CIRBP: variants seen among roughly 807,000 people sequenced by gnomAD.
CIRBP encodes the protein cold inducible RNA binding protein, also known as cold-inducible RNA-binding protein.
A neutral mutation model predicts 22.3 loss-of-function variants in CIRBP; 11 were observed. The ratio of observed to expected loss-of-function variants is 0.49; its 90% CI spans 0.31 to 0.82. The LOEUF (loss-of-function observed/expected upper bound fraction) is 0.82, where lower values mean the gene tolerates loss of function less well. CIRBP is among the 40% of genes least tolerant of loss of function. The pLI is 0.05. For missense variants in CIRBP, 456 were observed against 402.7 expected, an observed-to-expected ratio of 1.13 and a Z score of -1.13; for synonymous variants, 216 against 158.8, an observed-to-expected ratio of 1.36 and a Z score of -2.71.
In CIRBP at chr19:1,274,058, TGCC is replaced by T. The variant is rs1177906778; in HGVS notation, c.*1619_*1621del. 4.1e-5 allele frequency: 15 copies of T among 364,766 alleles called. No homozygotes were observed. Among genetic ancestry groups the T allele is most frequent in the Middle Eastern group, 6.8e-4 (1 of 1,466 alleles). 22.6% of individuals were successfully genotyped at this position (364,766 alleles called of 1,614,324 possible). A position where few individuals can be genotyped will look rare whatever the true frequency, so the allele number is the denominator to read the frequency against. Reference sequence around the variant, plus strand: ...TAACTTAGCTTTCTCTGATGTCTGTTGCCGCCATTAGTTTTTTTCTAGAGCCCA... The same window carrying T: ...TAACTTAGCTTTCTCTGATGTCTGTTGCCATTAGTTTTTTTCTAGAGCCCA... On this transcript the variant is annotated 3_prime_UTR_variant, in exon 6 of 6. Coordinates refer to ENST00000587896, the MANE Select transcript of CIRBP (RefSeq NM_001300829.2).
rs1019450329 is a variant in CIRBP, at chr19:1,269,846, T to C, written c.-7+436T>C. On this transcript the variant is annotated intron_variant, in intron 1 of 5. Transcript: ENST00000587896. ...TTACCGAGCCTTAGTTTCCTCCTTT[T>C]CCCATTGCGATTGCATGAGGGAAAG... 1.2e-5 allele frequency: 6 copies of C among 519,490 alleles called. 1 individual carries two copies. In the Admixed American group the frequency reaches 1.2e-4, roughly 10 times the overall value. 32.2% of individuals were successfully genotyped at this position (519,490 alleles called of 1,614,324 possible).
Position 1,271,967 on chromosome 19 carries a change from TG to T in CIRBP, c.432-13del. Reference sequence around the variant, plus strand: ...CGGGTACCTTCCGGTACTCAACGTTTGTCTGTCTTGCAGCCGGAGTCAGAGT... The same window carrying T: ...CGGGTACCTTCCGGTACTCAACGTTTTCTGTCTTGCAGCCGGAGTCAGAGT... On this transcript the variant is annotated splice_polypyrimidine_tract_variant and intron_variant, in intron 5 of 5. Coordinates refer to ENST00000587896, the MANE Select transcript of CIRBP (RefSeq NM_001300829.2). The T allele has an allele frequency of 6.2e-7, 1 of 1,600,962 alleles. No individual in the cohort carries two copies. The highest frequency in any genetic ancestry group is 8.5e-7 in the Non-Finnish European group (1 of 1,170,332).
In CIRBP at chr19:1,271,546, T is replaced by A; in HGVS notation, c.350-5T>A. The A allele has an allele frequency of 6.3e-7, 1 of 1,588,056 alleles. No individual in the cohort carries two copies. The highest frequency in any genetic ancestry group is 8.6e-7 in the Non-Finnish European group (1 of 1,168,568). ...GCTGGTACTCACTTTTTCCTGTATGTGCAGGAGGAGGGGACCGAGGCTATG... is the reference window on the plus strand; with the variant it reads ...GCTGGTACTCACTTTTTCCTGTATGAGCAGGAGGAGGGGACCGAGGCTATG... On this transcript the variant is annotated splice_polypyrimidine_tract_variant and splice_region_variant and intron_variant, in intron 4 of 5. Coordinates refer to ENST00000587896, the MANE Select transcript of CIRBP (RefSeq NM_001300829.2).
In CIRBP at chr19:1,272,627, C is replaced by G. The variant is rs1259511264; in HGVS notation, c.*184C>G. ...ACGCCGGGATGGCCTCGTTACTAGA[C>G]TTTTCTTTTTAAGGAAGTGCTGTTT... On this transcript the variant is annotated 3_prime_UTR_variant, in exon 6 of 6. Coordinates refer to ENST00000587896, the MANE Select transcript of CIRBP (RefSeq NM_001300829.2). 2.0e-6 allele frequency: 1 copy of G among 498,942 alleles called. No individual in the cohort carries two copies. Among genetic ancestry groups the G allele is most frequent in the Non-Finnish European group, 3.6e-6 (1 of 279,872 alleles). The allele number at this position is 498,942 out of a possible 1,614,324, so 30.9% of individuals were successfully genotyped here.
rs1255634179 is a variant in CIRBP, at chr19:1,272,642, A to G, written c.*199A>G. On this transcript the variant is annotated 3_prime_UTR_variant, in exon 6 of 6. Transcript: ENST00000587896. ...CGTTACTAGACTTTTCTTTTTAAGG[A>G]AGTGCTGTTTTTTTTTGAGGGTTTT... 4.4e-6 allele frequency: 2 copies of G among 452,332 alleles called. No homozygotes were observed. Among genetic ancestry groups the G allele is most frequent in the African/African-American group, 4.0e-5 (2 of 50,076 alleles). The allele number at this position is 452,332 out of a possible 1,614,324, so 28.0% of individuals were successfully genotyped here. A position where few individuals can be genotyped will look rare whatever the true frequency, so the allele number is the denominator to read the frequency against.
rs1243705696 is a variant in CIRBP at position 1,272,618 on chromosome 19, G to A, written c.*175G>A. 8 of 526,944 alleles carry A rather than the reference G, an allele frequency of 1.5e-5. No homozygotes were observed. The highest frequency in any genetic ancestry group is 3.8e-5 in the African/African-American group (2 of 52,118). The allele number at this position is 526,944 out of a possible 1,614,324, so 32.6% of individuals were successfully genotyped here. On this transcript the variant is annotated 3_prime_UTR_variant, in exon 6 of 6. Transcript: ENST00000587896. Reference sequence around the variant, plus strand: ...CCGCTTCTGACGCCGGGATGGCCTCGTTACTAGACTTTTCTTTTTAAGGAA... The same window carrying A: ...CCGCTTCTGACGCCGGGATGGCCTCATTACTAGACTTTTCTTTTTAAGGAA...
At position 1,270,954 on chromosome 19, in the gene CIRBP, A is replaced by G; in HGVS notation, c.21A>G (p.Lys7=). The G allele has an allele frequency of 6.2e-7, 1 of 1,614,072 alleles. No homozygotes were observed. Among genetic ancestry groups the G allele is most frequent in the South Asian group, 1.1e-5 (1 of 91,084 alleles). ...CCGCCATGGCATCAGATGAAGGCAA[A>G]CTTTTTGTTGGAGGGCTGAGTTTTG... MASDEG[K]LFVGGLSFDT... is the part of the protein sequence containing the mutation. Residue 7 remains lysine, a synonymous_variant, in exon 2 of 6, where the codon AAA becomes AAG. Coordinates refer to ENST00000587896, the MANE Select transcript of CIRBP (RefSeq NM_001300829.2).
At chr19:1,269,825 C>G (rs377091409) in intron 1 of CIRBP, 1 of 517,972 alleles carries the variant, frequency 1.9e-6, no homozygotes, top group Non-Finnish European at 3.9e-6. Flanking sequence ...TTTTGCTTAC[C>G]GAGCCTTAGT....
In CIRBP at chr19:1,269,387, G is replaced by A. The variant is rs1401996208; in HGVS notation, c.-30G>A. 3 of 151,890 alleles carry A rather than the reference G, an allele frequency of 2.0e-5. No homozygotes were observed. The highest frequency in any genetic ancestry group is 2.0e-4 in the Admixed American group (3 of 15,278). 9.4% of individuals were successfully genotyped at this position (151,890 alleles called of 1,614,324 possible). A position where few individuals can be genotyped will look rare whatever the true frequency, so the allele number is the denominator to read the frequency against. ...TGTGGTGCGCTGTCTTCCCGCTTGCGTCAGGGACCTGCCCGACTCAGTGGT... is the reference window on the plus strand; with the variant it reads ...TGTGGTGCGCTGTCTTCCCGCTTGCATCAGGGACCTGCCCGACTCAGTGGT... On this transcript the variant is annotated 5_prime_UTR_variant, in exon 1 of 6. Coordinates refer to ENST00000587896, the MANE Select transcript of CIRBP (RefSeq NM_001300829.2).
chr19:1,274,124 G>C lies in CIRBP; in HGVS notation c.*1681G>C. 2.6e-6 allele frequency: 1 copy of C among 391,492 alleles called. No homozygotes were observed. Among genetic ancestry groups the C allele is most frequent in the East Asian group, 3.6e-5 (1 of 27,706 alleles). 24.3% of individuals were successfully genotyped at this position (391,492 alleles called of 1,614,324 possible). A position where few individuals can be genotyped will look rare whatever the true frequency, so the allele number is the denominator to read the frequency against. On this transcript the variant is annotated 3_prime_UTR_variant, in exon 6 of 6. Transcript: ENST00000587896. ...TAGCTCCATCCCATACGGGTAGCTG[G>C]CTCCAGCTGCGCCAAGGTGCAGACC...
At position 1,271,431 on chromosome 19, in the gene CIRBP, C is replaced by A; in HGVS notation, c.313C>A (p.Arg105Ser). The A allele has an allele frequency of 1.9e-6, 3 of 1,612,746 alleles. No homozygotes were observed. The highest frequency in any genetic ancestry group is 2.5e-6 in the Non-Finnish European group (3 of 1,179,438). Residue 105 changes from arginine (R) to serine (S), a missense_variant, in exon 4 of 6, where the codon CGT becomes AGT. This residue lies in a region of CIRBP where 426 missense variants were observed against 339.6 expected (regional missense o/e 1.25). Transcript: ENST00000587896. ...CTCTGCCGGGGGCCGGGGCTTCTTCCGTGGGGGCCGAGGACGGGGCCGTGG... is the reference window on the plus strand; with the variant it reads ...CTCTGCCGGGGGCCGGGGCTTCTTCAGTGGGGGCCGAGGACGGGGCCGTGG... ...GGSAGGRGFF[R>S]GGRGRGRGFS... is the part of the protein sequence containing the mutation.
intron 1 of CIRBP, among the ~76,000 whole-genome samples, chr19:1,270,508 C>G (rs1253095104): frequency 6.6e-6 from 1 of 152,132 alleles, no homozygotes; most frequent in East Asian, 1.9e-4. Context: ...TGGCTCACAC[C>G]TGTAATCCCA....
chr19:1,270,117 C>T (rs190441008), intron 1 of CIRBP: 2 of 519,244 alleles, frequency 3.9e-6, no homozygotes, highest in African/African-American at 1.9e-5. Flanking sequence ...CCTGGAAATC[C>T]TGCCTTATCA....
In CIRBP at chr19:1,274,040, G is replaced by C. The variant is rs901803320; in HGVS notation, c.*1597G>C. ...CTCTTTAAGTCACACTCTTAACTTA[G>C]CTTTCTCTGATGTCTGTTGCCGCCA... On this transcript the variant is annotated 3_prime_UTR_variant, in exon 6 of 6. Coordinates refer to ENST00000587896, the MANE Select transcript of CIRBP (RefSeq NM_001300829.2). 4 of 338,060 alleles carry C rather than the reference G, an allele frequency of 1.2e-5. No individual in the cohort carries two copies. The highest frequency in any genetic ancestry group is 8.5e-5 in the African/African-American group (4 of 47,126). The allele number at this position is 338,060 out of a possible 1,614,324, so 20.9% of individuals were successfully genotyped here. A position where few individuals can be genotyped will look rare whatever the true frequency, so the allele number is the denominator to read the frequency against.
Position 1,274,399 on chromosome 19 carries a change from CAA to C in CIRBP, c.*1957_*1958del. ...GTCCCAGGAGGGACTTCACCTGGAA[CAA>C]GAGCTGGAGGCAGCCGCTTGCCCAG... On this transcript the variant is annotated 3_prime_UTR_variant, in exon 6 of 6. Transcript: ENST00000587896. The C allele has an allele frequency of 2.5e-6, 1 of 400,738 alleles. No homozygotes were observed. Among genetic ancestry groups the C allele is most frequent in the Non-Finnish European group, 4.4e-6 (1 of 226,116 alleles). The allele number at this position is 400,738 out of a possible 1,614,324, so 24.8% of individuals were successfully genotyped here.
chr19:1,271,115 C>G (rs755628017), intron 2 of CIRBP, 25 bp from the exon 3 acceptor site: 1 of 1,611,324 alleles, frequency 6.2e-7, no homozygotes, highest in Non-Finnish European at 8.5e-7. Flanking sequence ...TGGGTGCTGA[C>G]TGCAGACCTC....
Position 1,272,054 on chromosome 19 carries a change from A to G in CIRBP, c.505A>G (p.Lys169Glu), listed in dbSNP as rs374975169. 1 of 1,614,066 alleles carries G rather than the reference A, an allele frequency of 6.2e-7. No homozygotes were observed. The highest frequency in any genetic ancestry group is 8.5e-7 in the Non-Finnish European group (1 of 1,179,974). ...CAGAGACAGTTATGACAGTTACGGT[A>G]AGTCACACTCCGAGGGCGCCACGCT... is the stretch of plus-strand genomic sequence containing the variant. ...SYRDSYDSYG[K>E]SHSEGATLLW... Residue 169 changes from lysine to glutamate, a missense_variant, in exon 6 of 6, where the codon AAG becomes GAG. By Grantham distance (56) the Lys-to-Glu change is moderately conservative. Around this residue, in one of 2 missense-constraint regions of CIRBP, gnomAD observed 426 missense variants for 339.6 expected, o/e 1.25. Coordinates refer to ENST00000587896, the MANE Select transcript of CIRBP (RefSeq NM_001300829.2).
At chr19:1,270,232 GCC>G (rs56378951) in intron 1 of CIRBP, 6,851 of 367,204 alleles carry the variant, frequency 0.019, 440 homozygotes, top group African/African-American at 0.13. Flanking sequence ...CTGACAGCCA[GCC>G]CCCCCCCCAG....
In CIRBP at chr19:1,272,292, G is replaced by A. The variant is rs143205001; in HGVS notation, c.743G>A (p.Gly248Asp). ...GGGCAGTCAGCTAGGTGCATGTGTGGCCGCAGGCCAGCCTCCCTCGGCTGT... is the reference window on the plus strand; with the variant it reads ...GGGCAGTCAGCTAGGTGCATGTGTGACCGCAGGCCAGCCTCCCTCGGCTGT... ...PAGQSARCMCGRRPASLGCGG... is the reference protein window; with the variant it reads ...PAGQSARCMCDRRPASLGCGG... The change falls in exon 6 of 6, where the codon GGC (glycine) becomes GAC (aspartate). Residue 248 changes from glycine to aspartate, a missense_variant. By Grantham distance (94) the Gly-to-Asp change is moderately conservative (BLOSUM62 -1). Transcript: ENST00000587896. 1,943 of 1,613,200 alleles carry A rather than the reference G, an allele frequency of 1.2e-3. 13 individuals are homozygous for A. The African/African-American group carries it at 0.023, about 19-fold the overall frequency.
Sources: gnomAD v4.1 joint callset for allele counts (sites outside exome capture counted in the v4.1 genomes callset) on GRCh38, gnomAD v4.1.1 for gene constraint, gnomAD v4.1.1 regional missense constraint, MANE v1.5 for transcripts, NCBI Gene and HGNC (gene_info 2026-07-23, HGNC 2026-07-21) for gene names.